The following RNLS variants were observed in gnomAD, a reference collection of about 807,000 sequenced individuals.
RNLS encodes the protein renalase.
RNLS carries 39 observed loss-of-function variants against 39.8 expected under a neutral mutation model. The ratio of observed to expected loss-of-function variants is 0.98; its 90% confidence interval spans 0.76 to 1.28. The LOEUF (loss-of-function observed/expected upper bound fraction) is 1.28. Ranked by LOEUF, RNLS falls within the 50% of genes most tolerant of loss-of-function variation. RNLS has a pLI of 0.00. For missense variants in RNLS, 410 were observed against 413.3 expected (o/e 0.99, Z 0.07); for synonymous variants, 147 against 150.7 (o/e 0.98, Z 0.18).
At chr10:88,548,060 G>A (rs1323671271) in intron 4 of RNLS, among the ~76,000 whole-genome samples, 1 of 149,724 alleles carries the variant, frequency 6.7e-6, no homozygotes, top group East Asian at 2.0e-4. Flanking sequence ...TCAGGAGTTC[G>A]CAACTAGCCT....
chr10:88,360,989 A>G (rs1849602059), intron 5 of RNLS, among the ~76,000 whole-genome samples: 1 of 152,348 alleles, frequency 6.6e-6, no homozygotes, highest in African/African-American at 2.4e-5. Context: ...TGACTTAAAC[A>G]ACAGAAATTT....
intron 4 of RNLS, among the ~76,000 whole-genome samples, chr10:88,482,647 C>T (rs1844260485): frequency 6.6e-6 from 1 of 151,984 alleles, no homozygotes; most frequent in African/African-American, 2.4e-5. Flanking sequence ...CAAAATCTAA[C>T]ATTTGGGGAT....
intron 5 of RNLS, among the ~76,000 whole-genome samples, chr10:88,346,149 TATC>T (rs1362406406): frequency 2.0e-5 from 3 of 152,128 alleles, no homozygotes; most frequent in African/African-American, 7.2e-5. Context: ...TTACAGAGCT[TATC>T]ATATATTTTC....
chr10:88,524,998 T>TATATATAC (rs1554919255), intron 4 of RNLS, among the ~76,000 whole-genome samples: 8 of 104,466 alleles, frequency 7.7e-5, no homozygotes, highest in African/African-American at 2.4e-4. Flanking sequence ...TATATATATA[T>TATATATAC]ACACACACAC....
At chr10:88,274,916 A>C (rs925964644) in exon 7 of RNLS, 1 of 1,501,070 alleles carries the variant, frequency 6.7e-7, no homozygotes, top group African/African-American at 1.4e-5. Flanking sequence ...TCCTTAAAAA[A>C]AAAAATCAAA....
chr10:88,409,946 C>T (rs1015654578), intron 4 of RNLS, among the ~76,000 whole-genome samples: 4 of 152,044 alleles, frequency 2.6e-5, no homozygotes, highest in Non-Finnish European at 5.9e-5. Context: ...ATACTTTAGG[C>T]ATTGTGGGAC....
intron 4 of RNLS, among the ~76,000 whole-genome samples, chr10:88,480,787 T>TTGTG (rs60584908): frequency 0.12 from 17,482 of 147,488 alleles, 1,182 homozygotes; most frequent in African/African-American, 0.19. Context: ...TCCTGTGTCT[T>TTGTG]TGTGTGTGTG....
At chr10:88,339,419 G>C (rs1359984370) in intron 5 of RNLS, among the ~76,000 whole-genome samples, 2 of 152,148 alleles carry the variant, frequency 1.3e-5, no homozygotes, top group Non-Finnish European at 2.9e-5. Context: ...TTTTTATTAA[G>C]GTCTTCAGGG....
At chr10:88,450,637 C>A (rs564146608) in intron 4 of RNLS, among the ~76,000 whole-genome samples, 1 of 152,254 alleles carries the variant, frequency 6.6e-6, no homozygotes, top group South Asian at 2.1e-4. Flanking sequence ...ACAGGCCAAT[C>A]CCTTTGTTGG....
At chr10:88,425,447 C>T (rs2133781063) in intron 4 of RNLS, among the ~76,000 whole-genome samples, 1 of 152,162 alleles carries the variant, frequency 6.6e-6, no homozygotes, top group African/African-American at 2.4e-5. Flanking sequence ...CTGTCTTTGT[C>T]CTAATGTGTT....
rs1259374121 is a variant in RNLS, at chr10:88,284,227, T to C, written c.*1127A>G. 1 of 985,252 alleles carries C rather than the reference T, an allele frequency of 1.0e-6. No individual in the cohort carries two copies. Among genetic ancestry groups the C allele is most frequent in the East Asian group, 1.1e-4 (1 of 8,824 alleles). The allele number at this position is 985,252 out of a possible 1,614,324, so 61.0% of individuals were successfully genotyped here. On this transcript the variant is annotated 3_prime_UTR_variant, in exon 7 of 7. Transcript: ENST00000331772. ...GCCTGTGCCTGTGTATGTGTATGTATGACAGTGGACATGTAAGTGTGAAAC... is the reference window on the plus strand; with the variant it reads ...GCCTGTGCCTGTGTATGTGTATGTACGACAGTGGACATGTAAGTGTGAAAC...
chr10:88,250,705 G>A, the RNLS span, among the ~76,000 whole-genome samples: 4 of 152,192 alleles, frequency 2.6e-5, no homozygotes, highest in African/African-American at 9.7e-5. Context: ...CACTCTGCAA[G>A]CCAAACCAAA....
At chr10:88,254,771 A>G in the RNLS span, among the ~76,000 whole-genome samples, 1 of 152,238 alleles carries the variant, frequency 6.6e-6, no homozygotes, top group Non-Finnish European at 1.5e-5. Flanking sequence ...TTCTCAAGAT[A>G]GTACCTCTTA....
chr10:88,562,865 G>A (rs753214854), intron 4 of RNLS, among the ~76,000 whole-genome samples: 1 of 151,990 alleles, frequency 6.6e-6, no homozygotes, highest in Non-Finnish European at 1.5e-5. Context: ...GAAAGAAAGA[G>A]ATTTTTCATG....
intron 4 of RNLS, among the ~76,000 whole-genome samples, chr10:88,441,968 G>A (rs190888700): frequency 1.4e-3 from 219 of 152,246 alleles, no homozygotes; most frequent in African/African-American, 4.9e-3. Flanking sequence ...AGAGGCAGCC[G>A]GGTTACTATC....
intron 5 of RNLS, among the ~76,000 whole-genome samples, chr10:88,348,656 A>G (rs1278732815): frequency 6.6e-6 from 1 of 152,178 alleles, no homozygotes; most frequent in Non-Finnish European, 1.5e-5. Flanking sequence ...ACTTATATGC[A>G]TCTATTGAAC....
At chr10:88,356,741 T>C (rs751320025) in intron 5 of RNLS, among the ~76,000 whole-genome samples, 1 of 152,242 alleles carries the variant, frequency 6.6e-6, no homozygotes, top group Non-Finnish European at 1.5e-5. Context: ...TGATAAGATA[T>C]TGAAAACTAT....
chr10:88,405,384 T>C (rs1853194151), intron 4 of RNLS, among the ~76,000 whole-genome samples: 1 of 152,088 alleles, frequency 6.6e-6, no homozygotes, highest in Non-Finnish European at 1.5e-5. Flanking sequence ...GCTCCAGTGT[T>C]AGGTGCATAT....
rs117433829 is a variant in RNLS at position 88,389,224 on chromosome 10, C to T, written c.527-26499G>A. 8.5e-4 allele frequency among the ~76,000 whole-genome samples: 130 copies of T among 152,210 alleles called. 4 individuals carry two copies. The East Asian group carries it at 0.02, about 24-fold the overall frequency. On this transcript the variant is annotated intron_variant, in intron 4 of 6. Transcript: ENST00000331772. ...CTATTTTGTAGCATGTAGGAAATTA[C>T]GATATTGGTTTACCTCCTAGGATTC... is the stretch of plus-strand genomic sequence containing the variant.
Sources: gnomAD v4.1 joint callset for allele counts (sites outside exome capture counted in the v4.1 genomes callset) on GRCh38, gnomAD v4.1.1 for gene constraint, MANE v1.5 for transcripts, NCBI Gene and HGNC (gene_info 2026-07-23, HGNC 2026-07-21) for gene names.